OPCML: variants seen among roughly 807,000 people sequenced by gnomAD.
OPCML encodes opioid-binding protein/cell adhesion molecule.
A neutral mutation model predicts 37.8 loss-of-function variants in OPCML; 13 were observed. That is an observed-to-expected ratio of 0.34 (90% confidence interval 0.22 to 0.55). The LOEUF is 0.55. OPCML is among the 20% of genes least tolerant of loss of function. The probability of loss-of-function intolerance (pLI) is 0.91; values close to 1 mark genes in which losing one functional copy is unlikely to be tolerated. For synonymous variants in OPCML, 176 were observed against 168.8 expected, an observed-to-expected ratio of 1.04 and a Z score of -0.33; for missense variants, 341 against 435.6, an observed-to-expected ratio of 0.78 and a Z score of 1.93.
At chr11:132,496,849 A>C (rs1010031827) in intron 4 of OPCML, among the ~76,000 whole-genome samples, 2 of 152,246 alleles carry the variant, frequency 1.3e-5, no homozygotes, top group African/African-American at 4.8e-5. Flanking sequence ...CAAAGAGAAG[A>C]TCAGGATAGG....
intron 2 of OPCML, among the ~76,000 whole-genome samples, chr11:132,663,502 T>C (rs1385147797): frequency 6.6e-6 from 1 of 152,210 alleles, no homozygotes; most frequent in South Asian, 2.1e-4. Flanking sequence ...CTATGCTAGA[T>C]GTGGTATGAC....
Position 133,532,471 on chromosome 11 carries a change from C to A in OPCML, c.-147G>T. ...GAGAGCAGAAGAGAGAGAGAGCGCG[C>A]GAGAGATGGGAGCAGGCAGGCAGCG... is the stretch of plus-strand genomic sequence containing the variant. On this transcript the variant is annotated 5_prime_UTR_variant, in exon 1 of 8. Coordinates refer to ENST00000524381, the MANE Select transcript of OPCML (RefSeq NM_001012393.5). The A allele has an allele frequency of 5.5e-6, 5 of 911,390 alleles. No homozygotes were observed. Among genetic ancestry groups the A allele is most frequent in the Non-Finnish European group, 6.9e-6 (4 of 583,352 alleles). The allele number at this position is 911,390 out of a possible 1,614,324, so 56.5% of individuals were successfully genotyped here.
chr11:133,402,797 G>T (rs987515557), intron 1 of OPCML, among the ~76,000 whole-genome samples: 1 of 152,012 alleles, frequency 6.6e-6, no homozygotes, highest in Admixed American at 6.6e-5. Context: ...TGCCCTGCCC[G>T]CATCTGCAGA....
In OPCML at chr11:132,945,472, C is replaced by A. The variant is rs144534899; in HGVS notation, c.62-2462G>T. On this transcript the variant is annotated intron_variant, in intron 1 of 7. Transcript: ENST00000524381. ...ATCTGTACAGGACATTTGCCGCAGA[C>A]GGAGCTTGCAGAACTGGAAGTTGCT... is the stretch of plus-strand genomic sequence containing the variant. Among the ~76,000 whole-genome samples, 9 of 152,294 alleles carry A rather than the reference C, an allele frequency of 5.9e-5. No homozygotes were observed. The South Asian group carries it at 1.7e-3, about 28-fold the overall frequency.
chr11:133,278,494 G>A (rs1286011020), intron 1 of OPCML, among the ~76,000 whole-genome samples: 1 of 151,974 alleles, frequency 6.6e-6, no homozygotes, highest in Non-Finnish European at 1.5e-5. Flanking sequence ...TGTCAGCTTG[G>A]ACTCATTCTT....
chr11:132,681,091 G>A (rs991513952), intron 2 of OPCML, among the ~76,000 whole-genome samples: 5 of 152,154 alleles, frequency 3.3e-5, no homozygotes, highest in Admixed American at 6.5e-5. Context: ...GAGGCCACAT[G>A]GTTGTCCCTC....
At chr11:132,470,917 A>T (rs1483244764) in intron 4 of OPCML, among the ~76,000 whole-genome samples, 2 of 152,226 alleles carry the variant, frequency 1.3e-5, no homozygotes, top group Non-Finnish European at 2.9e-5. Context: ...GCGTTCTAGG[A>T]CCTGACTCTT....
At chr11:132,895,965 G>A (rs952228614) in intron 2 of OPCML, among the ~76,000 whole-genome samples, 1 of 152,176 alleles carries the variant, frequency 6.6e-6, no homozygotes, top group African/African-American at 2.4e-5. Context: ...GGGAATGCTT[G>A]TGGGAATGCA....
At chr11:133,015,834 G>A (rs1947323265) in intron 1 of OPCML, among the ~76,000 whole-genome samples, 1 of 152,088 alleles carries the variant, frequency 6.6e-6, no homozygotes, top group South Asian at 2.1e-4. Flanking sequence ...TGCTCCTGCT[G>A]TTTCCTCCTA....
intron 1 of OPCML, chr11:133,365,613 T>C (rs1944521528): frequency 6.6e-6 from 1 of 152,018 alleles, no homozygotes; most frequent in African/African-American, 2.4e-5. Context: ...TCATGTATGG[T>C]AGGGTAAATG....
At chr11:133,325,932 A>T (rs1229193603) in intron 1 of OPCML, among the ~76,000 whole-genome samples, 1 of 152,146 alleles carries the variant, frequency 6.6e-6, no homozygotes, top group Non-Finnish European at 1.5e-5. Context: ...TTTCCTAAAG[A>T]ACAAACTCTT....
intron 1 of OPCML, among the ~76,000 whole-genome samples, chr11:132,963,163 G>A (rs967273132): frequency 6.6e-5 from 10 of 152,120 alleles, no homozygotes; most frequent in Non-Finnish European, 4.4e-5. Flanking sequence ...GACCTGGAAA[G>A]GGCCTCCGAT....
chr11:133,326,387 T>C (rs1278838428), intron 1 of OPCML, among the ~76,000 whole-genome samples: 2 of 121,150 alleles, frequency 1.7e-5, no homozygotes, highest in Non-Finnish European at 3.4e-5. Context: ...GGTGTGGGTA[T>C]GTATAAGTGT....
At chr11:133,132,425 C>G (rs1445808080) in intron 1 of OPCML, among the ~76,000 whole-genome samples, 1 of 152,156 alleles carries the variant, frequency 6.6e-6, no homozygotes, top group African/African-American at 2.4e-5. Flanking sequence ...TCATACACTG[C>G]TGGTCAGAAT....
intron 1 of OPCML, among the ~76,000 whole-genome samples, chr11:133,430,884 CAA>C (rs1226240053): frequency 6.6e-6 from 1 of 152,118 alleles, no homozygotes; most frequent in Non-Finnish European, 1.5e-5. Flanking sequence ...TCAATATTGG[CAA>C]AGTTTGGTTG....
At chr11:133,452,522 A>G (rs1946600217) in intron 1 of OPCML, among the ~76,000 whole-genome samples, 1 of 151,478 alleles carries the variant, frequency 6.6e-6, no homozygotes, top group Non-Finnish European at 1.5e-5. Context: ...ATTTAGACAA[A>G]CAAAAACAGG....
At chr11:133,201,360 C>A (rs1293197948) in intron 1 of OPCML, among the ~76,000 whole-genome samples, 1 of 149,996 alleles carries the variant, frequency 6.7e-6, no homozygotes, top group Non-Finnish European at 1.5e-5. Flanking sequence ...ATATTTTATG[C>A]CTTTTAGTCT....
intron 4 of OPCML, among the ~76,000 whole-genome samples, chr11:132,502,386 C>T (rs1184391825): frequency 6.6e-6 from 1 of 152,154 alleles, no homozygotes; most frequent in African/African-American, 2.4e-5. Flanking sequence ...AATAGTGCCT[C>T]CTGGCCAGCA....
intron 1 of OPCML, among the ~76,000 whole-genome samples, chr11:133,031,076 G>A (rs1048631420): frequency 3.3e-5 from 5 of 152,188 alleles, no homozygotes; most frequent in Admixed American, 6.5e-5. Context: ...CACGGGCTTT[G>A]TTAAAACATG....
Sources: allele counts gnomAD v4.1 joint callset (sites outside exome capture counted in the v4.1 genomes callset), GRCh38; gene constraint gnomAD v4.1.1; transcripts MANE v1.5; gene names NCBI Gene and HGNC (gene_info 2026-07-23, HGNC 2026-07-21).